The following KL variants were observed in gnomAD, a reference collection of about 807,000 sequenced individuals.
KL encodes klotho, also known as alpha-klotho.
Under a neutral mutation model 84.2 loss-of-function variants are expected in KL, and 62 were observed. The observed-to-expected ratio is 0.74, with a 90% confidence interval of 0.60 to 0.91. The LOEUF is 0.91. Ranked by LOEUF, KL falls within the 40% of genes least tolerant of loss-of-function variation. The pLI is 0.00. For missense variants in KL, 1,261 were observed against 1,305.7 expected (o/e 0.97, Z 0.53); for synonymous variants, 528 against 528.0 (o/e 1.00, Z 0.00).
intron 1 of KL, among the ~76,000 whole-genome samples, chr13:33,051,627 G>A (rs1871753076): frequency 6.6e-6 from 1 of 152,150 alleles, no homozygotes; most frequent in Non-Finnish European, 1.5e-5. Flanking sequence ...CATTTATCAT[G>A]TCCTTGCTAA....
At chr13:33,023,381 G>C (rs937186524) in intron 1 of KL, among the ~76,000 whole-genome samples, 1 of 152,060 alleles carries the variant, frequency 6.6e-6, no homozygotes, top group African/African-American at 2.4e-5. Context: ...AGTAATAATA[G>C]CAAAATACTT....
intron 1 of KL, among the ~76,000 whole-genome samples, chr13:33,052,637 T>C (rs774892948): frequency 9.2e-5 from 14 of 152,308 alleles, no homozygotes; most frequent in Non-Finnish European, 2.1e-4. Flanking sequence ...CTTGGATGCC[T>C]GTACTGAAAT....
chr13:33,016,469 C>A lies in KL; in HGVS notation c.29C>A (p.Pro10Gln). The change falls in exon 1 of 5, where the codon CCG becomes CAG. Residue 10 changes from proline (P) to glutamine (Q), a missense_variant. Transcript: ENST00000380099. ...CCCGCCAGCGCCCCGCCGCGCCGCC[C>A]GCGGCCGCCGCCGCCGTCGCTGTCG... The part of the protein sequence containing the change: MPASAPPRR[P>Q]RPPPPSLSLL... 9.6e-7 allele frequency: 1 copy of A among 1,040,610 alleles called. No homozygotes were observed. Among genetic ancestry groups the A allele is most frequent in the East Asian group, 7.7e-5 (1 of 12,940 alleles). The allele number at this position is 1,040,610 out of a possible 1,614,324, so 64.5% of individuals were successfully genotyped here.
chr13:33,036,616 C>T (rs1305962684), intron 1 of KL, among the ~76,000 whole-genome samples: 1 of 152,124 alleles, frequency 6.6e-6, no homozygotes, highest in Non-Finnish European at 1.5e-5. Context: ...GGTCATTCAA[C>T]TTGAAGTACA....
intron 1 of KL, among the ~76,000 whole-genome samples, chr13:33,053,148 T>G (rs1179588822): frequency 2.0e-5 from 3 of 152,136 alleles, no homozygotes; most frequent in Non-Finnish European, 2.9e-5. Context: ...CCTGGGTCTG[T>G]GGGAAACCAG....
intron 1 of KL, among the ~76,000 whole-genome samples, chr13:33,047,882 A>C (rs1871595262): frequency 6.6e-6 from 1 of 151,890 alleles, no homozygotes; most frequent in African/African-American, 2.4e-5. Flanking sequence ...TACATTATTT[A>C]TTCTTATTAT....
intron 1 of KL, among the ~76,000 whole-genome samples, chr13:33,020,765 C>G (rs985656658): frequency 1.5e-4 from 23 of 152,188 alleles, no homozygotes; most frequent in African/African-American, 5.5e-4. Flanking sequence ...ACCATCCAAC[C>G]TTGCCTGGGT....
At chr13:33,019,293 G>C (rs774052269) in intron 1 of KL, among the ~76,000 whole-genome samples, 1 of 151,702 alleles carries the variant, frequency 6.6e-6, no homozygotes, top group African/African-American at 2.4e-5. Flanking sequence ...GACCTTTCTC[G>C]GTGTGTATAT....
At chr13:33,043,027 A>G (rs1220570683) in intron 1 of KL, among the ~76,000 whole-genome samples, 1 of 152,164 alleles carries the variant, frequency 6.6e-6, no homozygotes, top group Non-Finnish European at 1.5e-5. Context: ...TTAATATTGT[A>G]CAAGTCTTTT....
chr13:33,044,635 A>ATTTTTTTTTTTTT (rs1871453892), intron 1 of KL, among the ~76,000 whole-genome samples: 2 of 72,292 alleles, frequency 2.8e-5, no homozygotes, highest in African/African-American at 4.2e-5. Flanking sequence ...AATGCAATTG[A>ATTTTTTTTTTTTT]TTTTCTTTTT....
intron 1 of KL, among the ~76,000 whole-genome samples, chr13:33,019,607 GAACA>G (rs940476619): frequency 3.9e-5 from 6 of 152,012 alleles, no homozygotes; most frequent in African/African-American, 1.5e-4. Flanking sequence ...ACAGGAGGCA[GAACA>G]AACAAACAGC....
At chr13:33,062,132 A>G (rs1186724248) in intron 4 of KL, among the ~76,000 whole-genome samples, 1 of 152,116 alleles carries the variant, frequency 6.6e-6, no homozygotes, top group Non-Finnish European at 1.5e-5. Context: ...TAATCCCAGC[A>G]TTTTGGAAGG....
chr13:33,030,080 G>C (rs1593792987), intron 1 of KL, among the ~76,000 whole-genome samples: 1 of 152,046 alleles, frequency 6.6e-6, no homozygotes. Context: ...ACAAAAGGAG[G>C]CTGAACTCAT....
chr13:33,057,126 C>T (rs987159932), intron 3 of KL, among the ~76,000 whole-genome samples: 13 of 152,172 alleles, frequency 8.5e-5, no homozygotes, highest in African/African-American at 3.1e-4. Context: ...TCGGATGGTC[C>T]CTGGTCCTTG....
chr13:33,052,095 T>C (rs1871775254), intron 1 of KL, among the ~76,000 whole-genome samples: 2 of 152,238 alleles, frequency 1.3e-5, no homozygotes, highest in South Asian at 4.1e-4. Flanking sequence ...TAGCTGGGAC[T>C]ACAGGCACAC....
At chr13:33,056,199 T>TA (rs755707508) in intron 3 of KL, among the ~76,000 whole-genome samples, 1 of 152,102 alleles carries the variant, frequency 6.6e-6, no homozygotes, top group Non-Finnish European at 1.5e-5. Context: ...TTGCTGCTGA[T>TA]AGAGTCCCAA....
At chr13:33,037,048 T>C (rs1871165227) in intron 1 of KL, among the ~76,000 whole-genome samples, 1 of 152,230 alleles carries the variant, frequency 6.6e-6, no homozygotes, top group Non-Finnish European at 1.5e-5. Context: ...GCTATGATAC[T>C]GAATATACTA....
At chr13:33,062,080 A>G (rs577707332) in intron 4 of KL, among the ~76,000 whole-genome samples, 1 of 152,350 alleles carries the variant, frequency 6.6e-6, no homozygotes, top group Admixed American at 6.5e-5. Context: ...ATAAAGCAGT[A>G]CATAAAGATT....
At chr13:33,046,055 G>A (rs531714056) in intron 1 of KL, among the ~76,000 whole-genome samples, 1 of 152,178 alleles carries the variant, frequency 6.6e-6, no homozygotes, top group East Asian at 1.9e-4. Context: ...TTAGTATTTG[G>A]TTGCATTCTT....
Sources: allele counts gnomAD v4.1 joint callset (sites outside exome capture counted in the v4.1 genomes callset), GRCh38; gene constraint gnomAD v4.1.1; transcripts MANE v1.5; gene names NCBI Gene and HGNC (gene_info 2026-07-23, HGNC 2026-07-21).